The following USP34 variants were observed in gnomAD, a reference collection of about 807,000 sequenced individuals.
USP34 encodes the protein ubiquitin carboxyl-terminal hydrolase 34.
A neutral mutation model predicts 460.3 loss-of-function variants in USP34; 70 were observed. The ratio of observed to expected loss-of-function variants is 0.15; its 90% CI spans 0.13 to 0.19. The LOEUF (loss-of-function observed/expected upper bound fraction) is 0.19. Ranked by LOEUF, USP34 falls within the 10% of genes least tolerant of loss-of-function variation. The pLI is 1.00. For missense variants in USP34, 3,985 were observed against 4,236.2 expected (o/e 0.94, Z 1.65); for synonymous variants, 1,647 against 1,405.3 (o/e 1.17, Z -3.85).
chr2:61,380,505 C>A, intron 6 of USP34, 144 bp from the exon 7 acceptor site: 1 of 775,546 alleles, frequency 1.3e-6, no homozygotes, highest in Non-Finnish European at 2.0e-6. Context: ...TCAGGCCCTG[C>A]CTAATCTCTT....
chr2:61,244,566 G>C (rs1194783490), intron 51 of USP34, among the ~76,000 whole-genome samples: 2 of 150,512 alleles, frequency 1.3e-5, no homozygotes, highest in African/African-American at 2.5e-5. Context: ...AGTGAGCCGA[G>C]ATCGCGCCAC....
chr2:61,296,118 G>C (rs956819876), intron 30 of USP34, among the ~76,000 whole-genome samples: 8 of 152,082 alleles, frequency 5.3e-5, no homozygotes, highest in Admixed American at 2.6e-4. Flanking sequence ...AATGAGCCAG[G>C]CATGGTGCAC....
chr2:61,204,483 A>G lies in USP34; in HGVS notation c.9259+14T>C, dbSNP rs1481977833. ...GCGAACCATATTGAAGTACTGTGCT[A>G]GATAAATACGTACTTGGTATATTAC... On this transcript the variant is annotated intron_variant, in intron 73 of 79. Transcript: ENST00000398571. 8 of 1,613,020 alleles carry G rather than the reference A, an allele frequency of 5.0e-6. No homozygotes were observed. The highest frequency in any genetic ancestry group is 4.0e-5 in the African/African-American group (3 of 74,924).
chr2:61,452,905 C>CAA (rs57925421), intron 1 of USP34, among the ~76,000 whole-genome samples: 76 of 127,074 alleles, frequency 6.0e-4, no homozygotes, highest in East Asian at 1.1e-3. Context: ...ACCCCACAAC[C>CAA]AAAAAAAAAA....
chr2:61,318,187 T>A (rs1372949708), intron 22 of USP34, among the ~76,000 whole-genome samples: 2 of 98,954 alleles, frequency 2.0e-5, no homozygotes, highest in African/African-American at 3.4e-5. Context: ...AGCAAGCCCA[T>A]CTCAAAAAAA....
intron 8 of USP34, among the ~76,000 whole-genome samples, chr2:61,372,585 C>G (rs1298405775): frequency 6.6e-6 from 1 of 152,052 alleles, no homozygotes. Context: ...GTGGCTCATG[C>G]CTGTGGTCTC....
chr2:61,262,412 A>G (rs2103909753), intron 43 of USP34, among the ~76,000 whole-genome samples: 1 of 152,216 alleles, frequency 6.6e-6, no homozygotes, highest in Non-Finnish European at 1.5e-5. Flanking sequence ...TTTAGCTCCC[A>G]CTTATAAGTG....
At chr2:61,464,982 C>T (rs951723275) in intron 1 of USP34, among the ~76,000 whole-genome samples, 1 of 151,988 alleles carries the variant, frequency 6.6e-6, no homozygotes, top group African/African-American at 2.4e-5. Flanking sequence ...AAAATTTATC[C>T]TAAACAGAAT....
intron 1 of USP34, among the ~76,000 whole-genome samples, chr2:61,422,490 T>G (rs1322412534): frequency 6.6e-6 from 1 of 151,988 alleles, no homozygotes; most frequent in Non-Finnish European, 1.5e-5. Flanking sequence ...TTCATCAGAG[T>G]AGAGTTCTCC....
chr2:61,245,406 C>G, intron 50 of USP34, 118 bp from the exon 51 acceptor site: 1 of 513,668 alleles, frequency 1.9e-6, no homozygotes, highest in South Asian at 6.3e-5. Context: ...GAGGTAAATT[C>G]TAAGTTCTTA....
At chr2:61,323,758 A>C (rs994276223) in intron 21 of USP34, among the ~76,000 whole-genome samples, 1 of 152,202 alleles carries the variant, frequency 6.6e-6, no homozygotes, top group Admixed American at 6.5e-5. Context: ...CATGGTATCT[A>C]TGTTGACTAT....
chr2:61,417,085 A>AC (rs1171689359), intron 2 of USP34: 2 of 1,426,586 alleles, frequency 1.4e-6, no homozygotes, highest in Non-Finnish European at 2.0e-6. Flanking sequence ...GACCTCAATC[A>AC]CATGCGCCTT....
At position 61,236,256 on chromosome 2, in the gene USP34, A is replaced by T. The variant is rs755103499; in HGVS notation, c.6843-20T>A. On this transcript the variant is annotated intron_variant, in intron 54 of 79. Coordinates refer to ENST00000398571, the MANE Select transcript of USP34 (RefSeq NM_014709.4). ...ATAAATCTAGAATTTAAAAATAATC[A>T]TTTAAAATTCACACGTAAGATTTTT... 3 of 1,601,456 alleles carry T rather than the reference A, an allele frequency of 1.9e-6. No homozygotes were observed. Among genetic ancestry groups the T allele is most frequent in the Admixed American group, 1.7e-5 (1 of 57,598 alleles).
At chr2:61,447,407 T>G (rs958682167) in intron 1 of USP34, among the ~76,000 whole-genome samples, 42 of 152,246 alleles carry the variant, frequency 2.8e-4, no homozygotes, top group Middle Eastern at 3.4e-3. Context: ...AAGCTCAAAT[T>G]TTATCACTGG....
At chr2:61,389,024 C>T (rs1360615494) in intron 5 of USP34, among the ~76,000 whole-genome samples, 5 of 151,820 alleles carry the variant, frequency 3.3e-5, no homozygotes, top group Non-Finnish European at 7.4e-5. Context: ...AACAACCAGG[C>T]ATGAAAGAAT....
chr2:61,409,618 A>G (rs1339480753), intron 2 of USP34, among the ~76,000 whole-genome samples: 1 of 152,022 alleles, frequency 6.6e-6, no homozygotes, highest in East Asian at 1.9e-4. Flanking sequence ...GGAGGCAGAG[A>G]CAGGAGAATT....
chr2:61,335,631 C>T (rs191364924), intron 18 of USP34, among the ~76,000 whole-genome samples: 1 of 152,220 alleles, frequency 6.6e-6, no homozygotes, highest in Non-Finnish European at 1.5e-5. Flanking sequence ...TGCCTGTAGT[C>T]CCACCTCCTC....
In USP34 at chr2:61,205,995, G is replaced by A. The variant is rs1687108081; in HGVS notation, c.9154+22C>T. On this transcript the variant is annotated intron_variant, in intron 72 of 79. Transcript: ENST00000398571. ...GTTCTTCCACTAGGTTTTTACACGG[G>A]TGAATTTTTCAAGTAACTTACCTAT... The A allele has an allele frequency of 3.2e-6, 5 of 1,563,428 alleles. No individual in the cohort carries two copies. In the Middle Eastern group the frequency reaches 5.0e-4, roughly 157 times the overall value.
intron 1 of USP34, among the ~76,000 whole-genome samples, chr2:61,443,732 G>A (rs998825007): frequency 1.3e-5 from 2 of 152,232 alleles, no homozygotes; most frequent in South Asian, 4.1e-4. Context: ...TACTTTGTAC[G>A]ACACTGTACT....
Sources: allele counts gnomAD v4.1 joint callset (sites outside exome capture counted in the v4.1 genomes callset), GRCh38; gene constraint gnomAD v4.1.1; transcripts MANE v1.5; gene names NCBI Gene and HGNC (gene_info 2026-07-23, HGNC 2026-07-21).